Variants in PRKN observed in about 807,000 individuals in gnomAD.
PRKN encodes the protein parkin RBR E3 ubiquitin protein ligase.
PRKN carries 56 observed loss-of-function variants against 59.5 expected under a neutral mutation model. That is an observed-to-expected ratio of 0.94 (90% CI 0.76 to 1.18). The LOEUF is 1.18. Ranked by LOEUF, PRKN falls within the 50% of genes most tolerant of loss-of-function variation. The pLI is 0.00. For missense variants in PRKN, 657 were observed against 596.4 expected (o/e 1.10, Z -1.06); for synonymous variants, 250 against 222.1 (o/e 1.13, Z -1.12).
At chr6:162,554,081 G>C (rs1387036754) in intron 1 of PRKN, among the ~76,000 whole-genome samples, 1 of 152,140 alleles carries the variant, frequency 6.6e-6, no homozygotes, top group Admixed American at 6.5e-5. Flanking sequence ...CATCTAGTTC[G>C]ACTCTGTTAC....
intron 6 of PRKN, among the ~76,000 whole-genome samples, chr6:161,795,027 G>A (rs1031227549): frequency 4.0e-5 from 6 of 151,148 alleles, no homozygotes; most frequent in Non-Finnish European, 7.4e-5. Flanking sequence ...TGGGACTACA[G>A]GCACCCACCA....
At chr6:162,644,847 A>G (rs1778103278) in intron 1 of PRKN, among the ~76,000 whole-genome samples, 1 of 152,206 alleles carries the variant, frequency 6.6e-6, no homozygotes, top group Non-Finnish European at 1.5e-5. Flanking sequence ...ACTGACACTA[A>G]ATAGCTGTAT....
intron 7 of PRKN, among the ~76,000 whole-genome samples, chr6:161,633,443 C>G (rs561311038): frequency 2.6e-5 from 4 of 152,294 alleles, no homozygotes; most frequent in Admixed American, 1.3e-4. Flanking sequence ...CAGGAGCATT[C>G]AGTTAACAGC....
rs539783748 is a variant in PRKN at position 161,561,138 on chromosome 6, T to C, written c.933+8217A>G. Among the ~76,000 whole-genome samples the C allele has an allele frequency of 1.4e-4, 22 of 151,824 alleles. No individual in the cohort carries two copies. In the South Asian group the frequency reaches 4.4e-3, roughly 30 times the overall value. On this transcript the variant is annotated intron_variant, in intron 8 of 11. Coordinates refer to ENST00000366898, the MANE Select transcript of PRKN (RefSeq NM_004562.3). The surrounding 1 kb of genome is among the most constrained non-coding windows in gnomAD (Gnocchi z 5.0). ...CCCCTCAACCCGCCGAAAAAAGGGGTGAAATAAAAAAGATGAAATGAGGAT... is the reference window on the plus strand; with the variant it reads ...CCCCTCAACCCGCCGAAAAAAGGGGCGAAATAAAAAAGATGAAATGAGGAT...
At chr6:162,460,872 G>A (rs1398989417) in intron 1 of PRKN, among the ~76,000 whole-genome samples, 1 of 152,118 alleles carries the variant, frequency 6.6e-6, no homozygotes, top group East Asian at 1.9e-4. Flanking sequence ...CTAATGGTAT[G>A]AAAAAGGTAG....
At chr6:162,627,951 C>T (rs1782959456) in intron 1 of PRKN, among the ~76,000 whole-genome samples, 3 of 152,082 alleles carry the variant, frequency 2.0e-5, no homozygotes, top group Non-Finnish European at 2.9e-5. Flanking sequence ...GAAAGGGAGA[C>T]ATCAAACCAC....
At chr6:161,671,949 C>T (rs1217562943) in intron 7 of PRKN, among the ~76,000 whole-genome samples, 11 of 152,086 alleles carry the variant, frequency 7.2e-5, no homozygotes, top group Non-Finnish European at 1.5e-4. Flanking sequence ...CAGTGGTAGC[C>T]GACGCTTCTG....
chr6:161,491,174 A>C (rs144313946), intron 9 of PRKN, among the ~76,000 whole-genome samples: 77 of 152,342 alleles, frequency 5.1e-4, no homozygotes, highest in African/African-American at 1.7e-3. Context: ...GTTATATATC[A>C]GATGACTTCA....
chr6:162,288,884 T>C (rs1444631802), intron 2 of PRKN, among the ~76,000 whole-genome samples: 1 of 152,232 alleles, frequency 6.6e-6, no homozygotes, highest in Admixed American at 6.5e-5. Context: ...TGTTGTCATT[T>C]GATCAAACGG....
intron 1 of PRKN, among the ~76,000 whole-genome samples, chr6:162,643,503 A>T (rs1778047853): frequency 1.3e-5 from 2 of 151,972 alleles, no homozygotes; most frequent in South Asian, 4.2e-4. Flanking sequence ...AAATTAGACC[A>T]TTTGCAGGCC....
chr6:162,358,352 T>C (rs770948345), intron 2 of PRKN, among the ~76,000 whole-genome samples: 4 of 152,176 alleles, frequency 2.6e-5, no homozygotes, highest in Non-Finnish European at 5.9e-5. Flanking sequence ...TTGTAAGCAA[T>C]CAAAATATTT....
In PRKN at chr6:161,484,080, T is replaced by C. The variant is rs1321476032; in HGVS notation, c.1083+64774A>G. Reference sequence around the variant, plus strand: ...AATACCTAATGGATGCTGGGCTTAATACCTAGGTGATGGGTTGATCTGTGC... The same window carrying C: ...AATACCTAATGGATGCTGGGCTTAACACCTAGGTGATGGGTTGATCTGTGC... On this transcript the variant is annotated intron_variant, in intron 9 of 11. Transcript: ENST00000366898. This position sits in a 1 kb window ranked among gnomAD's most constrained non-coding sequence, Gnocchi z 4.9. 6.6e-6 allele frequency among the ~76,000 whole-genome samples: 1 copy of C among 152,092 alleles called. No homozygotes were observed. The highest frequency in any genetic ancestry group is 1.5e-5 in the Non-Finnish European group (1 of 68,024).
At chr6:162,103,889 C>T (rs1035634098) in intron 4 of PRKN, among the ~76,000 whole-genome samples, 1 of 152,136 alleles carries the variant, frequency 6.6e-6, no homozygotes, top group African/African-American at 2.4e-5. Flanking sequence ...GCACTGTTCT[C>T]GAAAGAGCAT....
At chr6:161,921,729 A>T (rs923096751) in intron 6 of PRKN, among the ~76,000 whole-genome samples, 1 of 152,124 alleles carries the variant, frequency 6.6e-6, no homozygotes, top group African/African-American at 2.4e-5. Context: ...GTAAAGGAAA[A>T]TCATCATCAG....
rs1016047452 is a variant in PRKN, at chr6:162,260,318, T to C, written c.412+2207A>G. ...GTCAAGGTGAAACAGCGCATCATCA[T>C]AGATCATACAGTACTCTGAAGGCTG... On this transcript the variant is annotated intron_variant, in intron 3 of 11. Transcript: ENST00000366898. Among the ~76,000 whole-genome samples the C allele has an allele frequency of 7.9e-5, 12 of 152,174 alleles. 1 individual carries two copies. The highest frequency in any genetic ancestry group is 1.5e-4 in the Non-Finnish European group (10 of 68,032).
At chr6:161,486,531 T>A (rs2115258330) in intron 9 of PRKN, among the ~76,000 whole-genome samples, 1 of 152,328 alleles carries the variant, frequency 6.6e-6, no homozygotes, top group East Asian at 1.9e-4. Flanking sequence ...GATAAGTCAC[T>A]GGTGCTGAGT....
intron 1 of PRKN, among the ~76,000 whole-genome samples, chr6:162,493,810 A>C (rs527534324): frequency 6.6e-6 from 1 of 152,280 alleles, no homozygotes; most frequent in African/African-American, 2.4e-5. Context: ...AACGAAGCTA[A>C]ATAAAGATGG....
At chr6:162,456,347 ATT>A (rs1173535700) in intron 1 of PRKN, among the ~76,000 whole-genome samples, 2 of 152,134 alleles carry the variant, frequency 1.3e-5, no homozygotes, top group African/African-American at 4.8e-5. Context: ...CTTAGTAATT[ATT>A]TGTCAAAAAT....
intron 6 of PRKN, among the ~76,000 whole-genome samples, chr6:161,896,270 T>C (rs1413620692): frequency 6.6e-6 from 1 of 152,202 alleles, no homozygotes; most frequent in Non-Finnish European, 1.5e-5. Flanking sequence ...CTCTGCTGAA[T>C]AGAAGACAGT....
Sources: allele counts gnomAD v4.1 joint callset (sites outside exome capture counted in the v4.1 genomes callset), GRCh38; gene constraint gnomAD v4.1.1; non-coding constraint Gnocchi (gnomAD v3.1); transcripts MANE v1.5; gene names NCBI Gene and HGNC (gene_info 2026-07-23, HGNC 2026-07-21).